Variants in COL1A2 observed in about 807,000 individuals in gnomAD.
COL1A2 encodes the protein collagen alpha-2(I) chain.
A neutral mutation model predicts 174.3 loss-of-function variants in COL1A2; 49 were observed. The ratio of observed to expected loss-of-function variants is 0.28; its 90% CI spans 0.22 to 0.36. The LOEUF is 0.36. COL1A2 is among the 10% of genes least tolerant of loss of function. The pLI, the probability that COL1A2 is intolerant of heterozygous loss-of-function variation, is 1.00. For missense variants in COL1A2, 1,438 were observed against 1,822.7 expected (o/e 0.79, Z 3.84); for synonymous variants, 655 against 606.6 (o/e 1.08, Z -1.17).
Position 94,417,709 on chromosome 7 carries a change from T to A in COL1A2, c.1864-15T>A. 1 of 1,568,782 alleles carries A rather than the reference T, an allele frequency of 6.4e-7. No individual in the cohort carries two copies. Among genetic ancestry groups the A allele is most frequent in the Non-Finnish European group, 8.7e-7 (1 of 1,153,424 alleles). The stretch of plus-strand genomic sequence containing the variant: ...TTTCTCCACTAAAATTGATTTCACA[T>A]GTGTTTGACTCAAGGGTGAACCTGG... On this transcript the variant is annotated splice_polypyrimidine_tract_variant and intron_variant, in intron 31 of 51. Coordinates refer to ENST00000297268, the MANE Select transcript of COL1A2 (RefSeq NM_000089.4).
Position 94,412,121 on chromosome 7 carries a change from CG to C in COL1A2, c.1404+1del. 6.2e-7 allele frequency: 1 copy of C among 1,611,452 alleles called. No homozygotes were observed. Among genetic ancestry groups the C allele is most frequent in the South Asian group, 1.1e-5 (1 of 90,654 alleles). Reference sequence around the variant, plus strand: ...GCCCCGCTGGAAAAGAAGGTCCTGTCGTAAGTATTGCTCATTTTCCATTATA... The same window carrying C: ...GCCCCGCTGGAAAAGAAGGTCCTGTCTAAGTATTGCTCATTTTCCATTATA... On this transcript the variant is annotated splice_donor_variant, in intron 24 of 51. Transcript: ENST00000297268. LOFTEE classifies it high-confidence loss of function.
In COL1A2 at chr7:94,417,772, C is replaced by A; in HGVS notation, c.1912C>A (p.Pro638Thr). 1 of 1,604,610 alleles carries A rather than the reference C, an allele frequency of 6.2e-7. No individual in the cohort carries two copies. The highest frequency in any genetic ancestry group is 8.5e-7 in the Non-Finnish European group (1 of 1,175,684). Residue 638 changes from proline to threonine, a missense_variant, in exon 32 of 52, where the codon CCT (proline) becomes ACT (threonine). Around this residue, in one of 3 missense-constraint regions of COL1A2, gnomAD observed 867 missense variants for 1,213.7 expected, o/e 0.71. Transcript: ENST00000297268. ...GAVGTAGPSG[P>T]SGLPGERGAA... ...TGTGGGCACTGCTGGTCCATCTGGT[C>A]CTAGTGGACTCCCAGGAGAGAGGGG... is the stretch of plus-strand genomic sequence containing the variant.
Position 94,427,840 on chromosome 7 carries a change from C to A in COL1A2, c.3481C>A (p.Arg1161Ser), listed in dbSNP as rs772797360. The A allele has an allele frequency of 1.2e-6, 2 of 1,614,000 alleles. No homozygotes were observed. Among genetic ancestry groups the A allele is most frequent in the African/African-American group, 1.3e-5 (1 of 74,916 alleles). The change falls in exon 49 of 52, where the codon CGC becomes AGC. Residue 1161 changes from arginine (R) to serine (S), a missense_variant. Around this residue, in one of 3 missense-constraint regions of COL1A2, gnomAD observed 290 missense variants for 298.1 expected, o/e 0.97. Transcript: ENST00000297268. Reference protein sequence around the residue: ...TPEGSRKNPARTCRDLRLSHP... With the variant: ...TPEGSRKNPASTCRDLRLSHP... ...TGAAGGCTCTAGAAAGAACCCAGCT[C>A]GCACATGCCGTGACTTGAGACTCAG...
At position 94,429,334 on chromosome 7, in the gene COL1A2, G is replaced by A. The variant is rs777066510; in HGVS notation, c.3858G>A (p.Leu1286=). The stretch of plus-strand genomic sequence containing the variant: ...ACATGGATGAGGAGACTGGCAACCT[G>A]AAAAAGGCTGTCATTCTACAGGGCT... ...IAYMDEETGN[L]KKAVILQGSN... is the part of the protein sequence containing the mutation. Residue 1286 remains leucine, a synonymous_variant, in exon 51 of 52, where the codon CTG becomes CTA. Coordinates refer to ENST00000297268, the MANE Select transcript of COL1A2 (RefSeq NM_000089.4). 16 of 1,613,894 alleles carry A rather than the reference G, an allele frequency of 9.9e-6. No homozygotes were observed. Among genetic ancestry groups the A allele is most frequent in the Non-Finnish European group, 1.4e-5 (16 of 1,179,974 alleles).
chr7:94,412,311 G>C (rs1260872710), intron 24 of COL1A2, among the ~76,000 whole-genome samples, 190 bp downstream of exon 24: 1 of 151,900 alleles, frequency 6.6e-6, no homozygotes, highest in East Asian at 1.9e-4. Context: ...CAGAGCAGGG[G>C]AGAGAAAAAC....
Position 94,412,625 on chromosome 7 carries a change from A to T in COL1A2, c.1446A>T (p.Pro482=), listed in dbSNP as rs412777. The part of the protein sequence containing the change: ...GIDGRPGPIG[P]AGARGEPGNI... ...ACGGCAGGCCTGGCCCAATTGGCCC[A>T]GCTGGAGCAAGAGGAGAGCCTGGCA... Residue 482 remains proline (P), a synonymous_variant, in exon 25 of 52, where the codon CCA becomes CCT. Coordinates refer to ENST00000297268, the MANE Select transcript of COL1A2 (RefSeq NM_000089.4). 35 of 1,613,626 alleles carry T rather than the reference A, an allele frequency of 2.2e-5. No homozygotes were observed. The highest frequency in any genetic ancestry group is 3.0e-5 in the Non-Finnish European group (35 of 1,179,920).
chr7:94,408,405 G>T, intron 15 of COL1A2, 25 bp downstream of exon 15: 1 of 1,613,642 alleles, frequency 6.2e-7, no homozygotes, highest in Non-Finnish European at 8.5e-7. Flanking sequence ...TGGGGAGTTT[G>T]AAAGGAGTTG....
intron 29 of COL1A2, 134 bp from the exon 30 acceptor site, chr7:94,415,092 G>A: frequency 2.6e-6 from 2 of 780,170 alleles, no homozygotes; most frequent in Non-Finnish European, 2.3e-6. Flanking sequence ...GTTCTTATTA[G>A]CCTGTGTACT....
At position 94,425,604 on chromosome 7, in the gene COL1A2, T is replaced by C; in HGVS notation, c.2782-6T>C. 1 of 1,613,930 alleles carries C rather than the reference T, an allele frequency of 6.2e-7. No individual in the cohort carries two copies. The highest frequency in any genetic ancestry group is 8.5e-7 in the Non-Finnish European group (1 of 1,179,904). On this transcript the variant is annotated splice_region_variant and splice_polypyrimidine_tract_variant and intron_variant, in intron 42 of 51. Transcript: ENST00000297268. ...AACAGCCTTAATTTGTGTGGTGTCT[T>C]CACAGGGCAACCCTGGGAACGATGG...
At chr7:94,408,023 T>C (rs1791837802) in intron 13 of COL1A2, 132 bp downstream of exon 13, 1 of 1,165,376 alleles carries the variant, frequency 8.6e-7, no homozygotes, top group Non-Finnish European at 1.3e-6. Flanking sequence ...AGCCTTCTGA[T>C]ACTTAATTGA....
intron 10 of COL1A2, 54 bp from the exon 11 acceptor site, chr7:94,405,619 G>A: frequency 6.7e-7 from 1 of 1,489,366 alleles, no homozygotes; most frequent in South Asian, 1.1e-5. Flanking sequence ...AGAAGTCACT[G>A]TCTTTTTATT....
chr7:94,399,456 A>T (rs1188938115), intron 4 of COL1A2, among the ~76,000 whole-genome samples: 3 of 152,184 alleles, frequency 2.0e-5, no homozygotes, highest in Non-Finnish European at 4.4e-5. Flanking sequence ...TGGAAATAAT[A>T]GTGAATTAGT....
At chr7:94,425,406 T>C (rs924535102) in intron 42 of COL1A2, 182 bp downstream of exon 42, 5 of 810,968 alleles carry the variant, frequency 6.2e-6, no homozygotes, top group Middle Eastern at 2.4e-4. Flanking sequence ...GGCTTTTCAA[T>C]AGCACACTGC....
rs146984874 is a variant in COL1A2, at chr7:94,415,256, C to A, written c.1750C>A (p.Pro584Thr). ...GLHGEFGLPG[P>T]AGPRGERGPP... ...CCATGGTGAGTTTGGTCTCCCTGGTCCTGCTGGTCCAAGAGTAAGTGTTAC... is the reference window on the plus strand; with the variant it reads ...CCATGGTGAGTTTGGTCTCCCTGGTACTGCTGGTCCAAGAGTAAGTGTTAC... Residue 584 changes from proline to threonine, a missense_variant, in exon 30 of 52, where the codon CCT becomes ACT. By Grantham distance (38) the Pro-to-Thr change is conservative. Coordinates refer to ENST00000297268, the MANE Select transcript of COL1A2 (RefSeq NM_000089.4). 1.1e-5 allele frequency: 17 copies of A among 1,613,706 alleles called. No individual in the cohort carries two copies. In the African/African-American group the frequency reaches 1.9e-4, roughly 18 times the overall value.
In COL1A2 at chr7:94,409,317, T is replaced by G. The variant is rs1168432445; in HGVS notation, c.793-5T>G. ...TTAATTCCTTGGTTTAATTTCCTCT[T>G]TTAGGGTGAAATTGGAGCTGTTGGT... is the stretch of plus-strand genomic sequence containing the variant. On this transcript the variant is annotated splice_polypyrimidine_tract_variant and splice_region_variant and intron_variant, in intron 16 of 51. Transcript: ENST00000297268. 1 of 1,613,766 alleles carries G rather than the reference T, an allele frequency of 6.2e-7. No homozygotes were observed. The highest frequency in any genetic ancestry group is 1.7e-5 in the Admixed American group (1 of 60,014).
chr7:94,407,878 C>T lies in COL1A2; in HGVS notation c.626C>T (p.Thr209Ile). 6.2e-7 allele frequency: 1 copy of T among 1,613,200 alleles called. No homozygotes were observed. Among genetic ancestry groups the T allele is most frequent in the Non-Finnish European group, 8.5e-7 (1 of 1,179,488 alleles). ...CCTGGTGCCCCTGGTGAAAATGGAACTCCAGGTCAAACAGTAAGTATTGAC... is the reference window on the plus strand; with the variant it reads ...CCTGGTGCCCCTGGTGAAAATGGAATTCCAGGTCAAACAGTAAGTATTGAC... Reference protein sequence around the residue: ...GEPGAPGENGTPGQTGARGLP... With the variant: ...GEPGAPGENGIPGQTGARGLP... The change falls in exon 13 of 52, where the codon ACT becomes ATT. Residue 209 changes from threonine (T) to isoleucine (I), a missense_variant. By Grantham distance (89) the Thr-to-Ile change is moderately conservative. Coordinates refer to ENST00000297268, the MANE Select transcript of COL1A2 (RefSeq NM_000089.4).
In COL1A2 at chr7:94,404,842, C is replaced by A. The variant is rs774774401; in HGVS notation, c.382C>A (p.Pro128Thr). 1 of 1,613,996 alleles carries A rather than the reference C, an allele frequency of 6.2e-7. No individual in the cohort carries two copies. Among genetic ancestry groups the A allele is most frequent in the Non-Finnish European group, 8.5e-7 (1 of 1,179,976 alleles). The change falls in exon 9 of 52, where the codon CCT (proline) becomes ACT (threonine). Residue 128 changes from proline to threonine, a missense_variant. By Grantham distance (38) the Pro-to-Thr change is conservative. This residue lies in a region of COL1A2 where 281 missense variants were observed against 310.9 expected (regional missense o/e 0.90). Coordinates refer to ENST00000297268, the MANE Select transcript of COL1A2 (RefSeq NM_000089.4). The stretch of plus-strand genomic sequence containing the variant: ...GATGGGTCTCCCATTTTCTTAGGGT[C>A]CTGCAGGTGCTCGTGGTCCAGCTGG... ...GEPGEPGQTG[P>T]AGARGPAGPP... is the part of the protein sequence containing the mutation.
intron 51 of COL1A2, chr7:94,429,804 T>C: frequency 3.9e-6 from 1 of 253,492 alleles, no homozygotes; most frequent in Non-Finnish European, 7.6e-6. Context: ...GTTATGTGTA[T>C]TTTATTTTAC....
chr7:94,412,204 T>C, intron 24 of COL1A2, 83 bp downstream of exon 24: 1 of 1,121,412 alleles, frequency 8.9e-7, no homozygotes, highest in Non-Finnish European at 1.3e-6. Flanking sequence ...TATTTATACA[T>C]GAACACATTG....
Sources: allele counts gnomAD v4.1 joint callset (sites outside exome capture counted in the v4.1 genomes callset), GRCh38; gene constraint gnomAD v4.1.1; regional missense constraint gnomAD v4.1.1; transcripts MANE v1.5; gene names NCBI Gene and HGNC (gene_info 2026-07-23, HGNC 2026-07-21).